The following ACSL3 variants were observed in gnomAD, a reference collection of about 807,000 sequenced individuals.
ACSL3 encodes acyl-CoA synthetase long chain family member 3, also known as fatty acid CoA ligase Acsl3.
A neutral mutation model predicts 84.7 loss-of-function variants in ACSL3; 34 were observed. The ratio of observed to expected loss-of-function variants is 0.40; its 90% confidence interval spans 0.31 to 0.53. The LOEUF is 0.53. Among genes scored for constraint, ACSL3 ranks in the 20% least tolerant of loss-of-function variants. ACSL3 has a pLI of 0.48. For missense variants in ACSL3, 680 were observed against 873.1 expected, an observed-to-expected ratio of 0.78 and a Z score of 2.79; for synonymous variants, 315 against 299.4, an observed-to-expected ratio of 1.05 and a Z score of -0.54.
chr2:222,939,343 G>A (rs1036498487), intron 16 of ACSL3, among the ~76,000 whole-genome samples: 2 of 152,032 alleles, frequency 1.3e-5, no homozygotes, highest in Non-Finnish European at 2.9e-5. Flanking sequence ...TTGAGTTTGT[G>A]GGGTACAATC....
intron 3 of ACSL3, among the ~76,000 whole-genome samples, chr2:222,901,941 C>T (rs1316939245): frequency 1.5e-3 from 4 of 2,756 alleles, no homozygotes; most frequent in Admixed American, 4.8e-3. Flanking sequence ...GAGACTCGGT[C>T]TCAAAAAAAA....
chr2:222,919,667 C>T (rs1055913152), intron 7 of ACSL3, among the ~76,000 whole-genome samples: 4 of 152,188 alleles, frequency 2.6e-5, no homozygotes, highest in Non-Finnish European at 4.4e-5. Context: ...CTACAAGTTC[C>T]TATTCTCAAA....
Position 222,942,566 on chromosome 2 carries a change from A to G in ACSL3, c.*912A>G, listed in dbSNP as rs1212560235. 1.5e-5 allele frequency: 3 copies of G among 196,320 alleles called. No homozygotes were observed. The highest frequency in any genetic ancestry group is 2.1e-5 in the Non-Finnish European group (2 of 94,836). The allele number at this position is 196,320 out of a possible 1,614,324, so 12.2% of individuals were successfully genotyped here. A position where few individuals can be genotyped will look rare whatever the true frequency, so the allele number is the denominator to read the frequency against. On this transcript the variant is annotated 3_prime_UTR_variant, in exon 17 of 17. Transcript: ENST00000357430. ...TGACTATATGTACATTGAGTTATCT[A>G]TATTTGTAAACAAATTAGTCATGGA...
At chr2:222,884,102 A>G (rs904215321) in intron 1 of ACSL3, among the ~76,000 whole-genome samples, 3 of 152,168 alleles carry the variant, frequency 2.0e-5, no homozygotes, top group African/African-American at 4.8e-5. Flanking sequence ...TTTTTCACAA[A>G]TATCTGGTGA....
At chr2:222,876,762 A>T (rs969337347) in intron 1 of ACSL3, among the ~76,000 whole-genome samples, 29 of 152,354 alleles carry the variant, frequency 1.9e-4, no homozygotes, top group African/African-American at 6.7e-4. Flanking sequence ...AGAAAAAAAA[A>T]AAGTCCTTGC....
At chr2:222,934,847 C>T (rs1304650807) in intron 16 of ACSL3, among the ~76,000 whole-genome samples, 160 bp downstream of exon 16, 5 of 152,194 alleles carry the variant, frequency 3.3e-5, no homozygotes, top group Admixed American at 2.6e-4. Context: ...CCATTCAAGC[C>T]TTGCTACACA....
rs779167310 is a variant in ACSL3 at position 222,916,471 on chromosome 2, G to C, written c.531G>C (p.Gln177His). The C allele has an allele frequency of 6.2e-7, 1 of 1,608,132 alleles. No homozygotes were observed. The change falls in exon 5 of 17, where the codon CAG (glutamine) becomes CAC (histidine). Residue 177 changes from glutamine to histidine, a missense_variant. Physicochemically the swap from Gln to His is conservative, Grantham distance 24 (BLOSUM62 0). Coordinates refer to ENST00000357430, the MANE Select transcript of ACSL3 (RefSeq NM_004457.5). Reference protein sequence around the residue: ...ETRAEWMIAAQACFMYNFQLV... With the variant: ...ETRAEWMIAAHACFMYNFQLV... ...GGGCCGAGTGGATGATAGCTGCACA[G>C]GCGTGTTTTATGTATAATTTTCAGC...
At chr2:222,926,364 T>A (rs947058893) in intron 11 of ACSL3, among the ~76,000 whole-genome samples, 4 of 152,170 alleles carry the variant, frequency 2.6e-5, no homozygotes, top group African/African-American at 7.2e-5. Flanking sequence ...ATACCATTTT[T>A]AAAAAATTGT....
chr2:222,938,894 C>T (rs913306675), intron 16 of ACSL3, among the ~76,000 whole-genome samples: 7 of 151,998 alleles, frequency 4.6e-5, no homozygotes, highest in South Asian at 2.1e-4. Flanking sequence ...AAGTTGCTGT[C>T]GATCCTCTAG....
intron 1 of ACSL3, among the ~76,000 whole-genome samples, chr2:222,874,018 TTTTTTA>T (rs976077136): frequency 6.6e-6 from 1 of 152,172 alleles, no homozygotes; most frequent in African/African-American, 2.4e-5. Flanking sequence ...TTGGATTTAT[TTTTTTA>T]TTTTTATTTT....
intron 2 of ACSL3, among the ~76,000 whole-genome samples, chr2:222,888,666 A>T (rs1695776182): frequency 6.6e-6 from 1 of 152,180 alleles, no homozygotes. Context: ...ATTATTAAAA[A>T]CTGTAAGCAA....
In ACSL3 at chr2:222,927,097, C is replaced by T. The variant is rs143664156; in HGVS notation, c.1373C>T (p.Thr458Ile). The change falls in exon 12 of 17, where the codon ACC becomes ATC. Residue 458 changes from threonine (T) to isoleucine (I), a missense_variant. Physicochemically the swap from Thr to Ile is moderately conservative, Grantham distance 89 (BLOSUM62 -1). Transcript: ENST00000357430. Reference sequence around the variant, plus strand: ...TGTGGTGGCGCTCCACTTTCTGCAACCACGCAGCGATTCATGAACATCTGT... The same window carrying T: ...TGTGGTGGCGCTCCACTTTCTGCAATCACGCAGCGATTCATGAACATCTGT... ...LLCGGAPLSA[T>I]TQRFMNICFC... is the part of the protein sequence containing the mutation. 145 of 1,614,024 alleles carry T rather than the reference C, an allele frequency of 9.0e-5. No homozygotes were observed. The highest frequency in any genetic ancestry group is 1.2e-4 in the Non-Finnish European group (138 of 1,180,016).
At chr2:222,867,193 T>C (rs375667137) in intron 1 of ACSL3, among the ~76,000 whole-genome samples, 66 of 152,306 alleles carry the variant, frequency 4.3e-4, no homozygotes, top group African/African-American at 1.5e-3. Context: ...TTAACCTTAC[T>C]TCGCAGGAAT....
chr2:222,903,180 C>T (rs1243813187), intron 3 of ACSL3, among the ~76,000 whole-genome samples: 1 of 152,142 alleles, frequency 6.6e-6, no homozygotes, highest in African/African-American at 2.4e-5. Flanking sequence ...CTTCGTGGCC[C>T]AGGCCGGAGT....
At chr2:222,928,032 T>A (rs563639958) in intron 12 of ACSL3, among the ~76,000 whole-genome samples, 14 of 152,258 alleles carry the variant, frequency 9.2e-5, no homozygotes, top group African/African-American at 3.4e-4. Context: ...TTTCTTCTAT[T>A]TTTAAGATTC....
chr2:222,913,185 C>T (rs1021829747), intron 4 of ACSL3, among the ~76,000 whole-genome samples: 3 of 152,180 alleles, frequency 2.0e-5, no homozygotes, highest in Non-Finnish European at 4.4e-5. Flanking sequence ...TTCACTATGA[C>T]ATTCCTTCTA....
chr2:222,913,374 A>G (rs1422354164), intron 4 of ACSL3, among the ~76,000 whole-genome samples: 2 of 152,304 alleles, frequency 1.3e-5, no homozygotes, highest in Admixed American at 6.5e-5. Context: ...ATCATGCTAT[A>G]TGTAACAAAT....
At chr2:222,915,872 C>T (rs774725634) in intron 4 of ACSL3, among the ~76,000 whole-genome samples, 2 of 152,070 alleles carry the variant, frequency 1.3e-5, no homozygotes, top group Admixed American at 6.5e-5. Context: ...CATTTTATAC[C>T]GTCTGATACT....
At position 222,930,849 on chromosome 2, in the gene ACSL3, C is replaced by G. The variant is rs758355438; in HGVS notation, c.1732+37C>G. ...AATATTTTTTTGAAAATGAATGTTT[C>G]TGAAATAGTTTACACAAGAAGCACA... On this transcript the variant is annotated intron_variant, in intron 14 of 16. Coordinates refer to ENST00000357430, the MANE Select transcript of ACSL3 (RefSeq NM_004457.5). 1.4e-5 allele frequency: 22 copies of G among 1,542,586 alleles called. No individual in the cohort carries two copies. In the African/African-American group the frequency reaches 2.9e-4, roughly 20 times the overall value.
Sources: gnomAD v4.1 joint callset for allele counts (sites outside exome capture counted in the v4.1 genomes callset) on GRCh38, gnomAD v4.1.1 for gene constraint, MANE v1.5 for transcripts, NCBI Gene and HGNC (gene_info 2026-07-23, HGNC 2026-07-21) for gene names.